Variants in ZNF385B observed in about 807,000 individuals in gnomAD.
ZNF385B encodes zinc finger protein 385B.
Under a neutral mutation model 39.2 loss-of-function variants are expected in ZNF385B, and 23 were observed. That is an observed-to-expected ratio of 0.59 (90% CI 0.42 to 0.83). The LOEUF (loss-of-function observed/expected upper bound fraction) is 0.83, where lower values mean the gene tolerates loss of function less well. ZNF385B is among the 40% of genes least tolerant of loss of function. The pLI is 0.00. For synonymous variants in ZNF385B, 205 were observed against 222.6 expected, an observed-to-expected ratio of 0.92 and a Z score of 0.70; for missense variants, 552 against 598.9, an observed-to-expected ratio of 0.92 and a Z score of 0.82.
intron 3 of ZNF385B, among the ~76,000 whole-genome samples, chr2:179,660,719 C>T (rs1278988840): frequency 1.3e-5 from 2 of 152,032 alleles, no homozygotes; most frequent in Non-Finnish European, 2.9e-5. Context: ...ATAGGCTTCT[C>T]CTGAGAGAAG....
chr2:179,669,076 C>G (rs542419014), intron 3 of ZNF385B, among the ~76,000 whole-genome samples: 9 of 152,248 alleles, frequency 5.9e-5, no homozygotes, highest in Admixed American at 5.2e-4. Flanking sequence ...TTTAGTTGTA[C>G]TACTGTCAAA....
intron 6 of ZNF385B, among the ~76,000 whole-genome samples, chr2:179,450,730 C>T (rs918249953): frequency 1.3e-5 from 2 of 152,024 alleles, no homozygotes; most frequent in African/African-American, 2.4e-5. Flanking sequence ...TACCATTTGA[C>T]CCAGCCATCC....
intron 3 of ZNF385B, among the ~76,000 whole-genome samples, chr2:179,636,407 A>G (rs941017158): frequency 2.0e-5 from 3 of 152,200 alleles, no homozygotes; most frequent in African/African-American, 7.2e-5. Flanking sequence ...CTCTGAGTAA[A>G]TATATCTGCG....
At chr2:179,728,768 C>T (rs923659410) in intron 3 of ZNF385B, among the ~76,000 whole-genome samples, 42 of 151,832 alleles carry the variant, frequency 2.8e-4, no homozygotes, top group African/African-American at 9.7e-4. Context: ...CACTGAAGAA[C>T]GAGTAATAGA....
intron 6 of ZNF385B, among the ~76,000 whole-genome samples, chr2:179,476,057 C>A (rs2053417789): frequency 6.6e-6 from 1 of 150,944 alleles, no homozygotes; most frequent in African/African-American, 2.4e-5. Flanking sequence ...CCCAGAATCC[C>A]CCAAAATGCC....
chr2:179,782,522 T>G (rs1229657755), intron 1 of ZNF385B, among the ~76,000 whole-genome samples: 1 of 152,146 alleles, frequency 6.6e-6, no homozygotes, highest in Non-Finnish European at 1.5e-5. Context: ...GGCATCCAAA[T>G]AGGAAAAGAG....
chr2:179,456,118 T>C lies in ZNF385B; in HGVS notation c.716-9348A>G, dbSNP rs141242313. Among the ~76,000 whole-genome samples, 83 of 152,324 alleles carry C rather than the reference T, an allele frequency of 5.4e-4. 1 individual carries two copies. Among genetic ancestry groups the C allele is most frequent in the Non-Finnish European group, 1.0e-3 (70 of 68,018 alleles). ...TAAAGGCTATCATGTTTGTACCTCA[T>C]TGAATTCATATATTCAATAAACCAG... On this transcript the variant is annotated intron_variant, in intron 6 of 9. Coordinates refer to ENST00000410066, the MANE Select transcript of ZNF385B (RefSeq NM_152520.6).
intron 1 of ZNF385B, among the ~76,000 whole-genome samples, chr2:179,812,037 A>G (rs1339843543): frequency 6.6e-6 from 1 of 152,170 alleles, no homozygotes; most frequent in African/African-American, 2.4e-5. Flanking sequence ...AACTATGAAA[A>G]ATGCTCAATA....
chr2:179,561,874 T>G (rs888559311), intron 3 of ZNF385B, among the ~76,000 whole-genome samples: 9 of 152,188 alleles, frequency 5.9e-5, no homozygotes, highest in African/African-American at 2.2e-4. Flanking sequence ...ACATTAAAAC[T>G]TGAAATGGTG....
chr2:179,760,163 C>T (rs564585774), intron 3 of ZNF385B, among the ~76,000 whole-genome samples: 2 of 150,638 alleles, frequency 1.3e-5, no homozygotes, highest in South Asian at 4.2e-4. Flanking sequence ...AGGATATTGA[C>T]ATTGATCTGA....
chr2:179,642,616 A>G (rs572305440), intron 3 of ZNF385B, among the ~76,000 whole-genome samples: 1 of 152,296 alleles, frequency 6.6e-6, no homozygotes, highest in South Asian at 2.1e-4. Flanking sequence ...CCATTTTCAT[A>G]ATAACACTGT....
intron 3 of ZNF385B, among the ~76,000 whole-genome samples, chr2:179,558,551 A>G (rs1342503018): frequency 6.6e-6 from 1 of 152,198 alleles, no homozygotes; most frequent in African/African-American, 2.4e-5. Flanking sequence ...ATATTAACCA[A>G]ACACTTCATA....
intron 1 of ZNF385B, among the ~76,000 whole-genome samples, chr2:179,847,147 T>A (rs1708838032): frequency 6.6e-6 from 1 of 152,218 alleles, no homozygotes; most frequent in Non-Finnish European, 1.5e-5. Flanking sequence ...CTGCTACACA[T>A]TCTATTCTTA....
intron 3 of ZNF385B, among the ~76,000 whole-genome samples, chr2:179,610,624 A>T (rs1040705097): frequency 6.6e-6 from 1 of 151,884 alleles, no homozygotes; most frequent in South Asian, 2.1e-4. Flanking sequence ...GATTGCATTG[A>T]CTCTGTAGAT....
At chr2:179,634,973 C>CG (rs1475827670) in intron 3 of ZNF385B, among the ~76,000 whole-genome samples, 31 of 115,588 alleles carry the variant, frequency 2.7e-4, no homozygotes, top group African/African-American at 1.0e-3. Context: ...ACTAAAAATA[C>CG]AAAAAAAAAA....
At chr2:179,652,399 A>G (rs1189545613) in intron 3 of ZNF385B, among the ~76,000 whole-genome samples, 1 of 152,182 alleles carries the variant, frequency 6.6e-6, no homozygotes, top group African/African-American at 2.4e-5. Flanking sequence ...TGTGTATGTC[A>G]AGGAGTTGAA....
intron 3 of ZNF385B, among the ~76,000 whole-genome samples, chr2:179,606,625 T>C (rs1037105400): frequency 2.0e-5 from 3 of 152,212 alleles, no homozygotes; most frequent in African/African-American, 7.2e-5. Context: ...CATGTCATTC[T>C]GGTTTTTCCT....
At chr2:179,566,881 T>C (rs1394518147) in intron 3 of ZNF385B, among the ~76,000 whole-genome samples, 3 of 151,880 alleles carry the variant, frequency 2.0e-5, no homozygotes, top group South Asian at 2.1e-4. Flanking sequence ...AGAGTAACTC[T>C]TGAGTGACTA....
intron 3 of ZNF385B, among the ~76,000 whole-genome samples, chr2:179,741,458 G>T (rs956168465): frequency 6.6e-5 from 10 of 152,142 alleles, no homozygotes; most frequent in African/African-American, 9.6e-5. Context: ...TTTGCAATAT[G>T]GCCTGAAGTG....
Sources: gnomAD v4.1 joint callset for allele counts (sites outside exome capture counted in the v4.1 genomes callset) on GRCh38, gnomAD v4.1.1 for gene constraint, MANE v1.5 for transcripts, NCBI Gene and HGNC (gene_info 2026-07-23, HGNC 2026-07-21) for gene names.